Variants in UNC5C observed in about 807,000 individuals in gnomAD.
The protein encoded by UNC5C is netrin receptor UNC5C.
In UNC5C, 47 loss-of-function variants were observed where a neutral mutation model predicts 99.8. The observed-to-expected ratio is 0.47, with a 90% confidence interval of 0.37 to 0.60. The LOEUF (loss-of-function observed/expected upper bound fraction) is 0.60, where lower values mean the gene tolerates loss of function less well. Among genes scored for constraint, UNC5C ranks in the 20% least tolerant of loss-of-function variants. UNC5C has a pLI of 0.00. For synonymous variants in UNC5C, 487 were observed against 452.2 expected, an observed-to-expected ratio of 1.08 and a Z score of -0.98; for missense variants, 1,062 against 1,165.9, an observed-to-expected ratio of 0.91 and a Z score of 1.30.
rs116456283 is a variant in UNC5C at position 95,213,813 on chromosome 4, G to C, written c.1733+2311C>G. Among the ~76,000 whole-genome samples, 860 of 152,296 alleles carry C rather than the reference G, an allele frequency of 5.6e-3. 13 individuals are homozygous for C. The highest frequency in any genetic ancestry group is 0.019 in the African/African-American group (798 of 41,560). Reference sequence around the variant, plus strand: ...GAAGTTCTGTCTTGTATCATGTGTGGATAGAAAGGATCTTTAGTGAGCAAT... The same window carrying C: ...GAAGTTCTGTCTTGTATCATGTGTGCATAGAAAGGATCTTTAGTGAGCAAT... On this transcript the variant is annotated intron_variant, in intron 10 of 15. Transcript: ENST00000453304.
intron 1 of UNC5C, among the ~76,000 whole-genome samples, chr4:95,396,696 C>G (rs182364132): frequency 6.6e-6 from 1 of 152,238 alleles, no homozygotes; most frequent in Non-Finnish European, 1.5e-5. Flanking sequence ...CAAGCCCACC[C>G]GTGGACCCAT....
At chr4:95,457,390 C>T (rs538930425) in intron 1 of UNC5C, among the ~76,000 whole-genome samples, 8 of 152,030 alleles carry the variant, frequency 5.3e-5, no homozygotes, top group Non-Finnish European at 8.8e-5. Flanking sequence ...TAACCCCTTC[C>T]CTATCTTCTC....
chr4:95,369,909 T>G (rs547200265), intron 1 of UNC5C, among the ~76,000 whole-genome samples: 1 of 152,012 alleles, frequency 6.6e-6, no homozygotes, highest in African/African-American at 2.4e-5. Flanking sequence ...TTTTCAAAAC[T>G]GTTTCCAAAA....
At position 95,337,234 on chromosome 4, in the gene UNC5C, A is replaced by T. The variant is rs557946009; in HGVS notation, c.125-1603T>A. Among the ~76,000 whole-genome samples the T allele has an allele frequency of 7.3e-4, 111 of 152,044 alleles. 3 individuals carry two copies. The South Asian group carries it at 0.017, about 24-fold the overall frequency. On this transcript the variant is annotated intron_variant, in intron 1 of 15. Transcript: ENST00000453304. ...GAAGGTGGAAGGTCAACTAGACTTT[A>T]TTTTTTAACTATGTTTGTACACATA... is the stretch of plus-strand genomic sequence containing the variant.
At chr4:95,275,420 C>T (rs1318568364) in intron 4 of UNC5C, among the ~76,000 whole-genome samples, 3 of 152,134 alleles carry the variant, frequency 2.0e-5, no homozygotes, top group Non-Finnish European at 4.4e-5. Context: ...CTCATTTAAA[C>T]CTCACAACCA....
intron 1 of UNC5C, among the ~76,000 whole-genome samples, chr4:95,528,442 T>C (rs754099856): frequency 5.9e-5 from 9 of 152,114 alleles, no homozygotes; most frequent in Non-Finnish European, 1.2e-4. Flanking sequence ...AGCACTGACA[T>C]CATTTTGTAA....
intron 1 of UNC5C, among the ~76,000 whole-genome samples, chr4:95,547,770 G>T (rs1181414556): frequency 6.6e-6 from 1 of 152,186 alleles, no homozygotes; most frequent in African/African-American, 2.4e-5. Context: ...AGCTTTCCCG[G>T]CTTTGAAGGC....
chr4:95,250,005 C>G (rs907403954), intron 5 of UNC5C, among the ~76,000 whole-genome samples: 1 of 152,102 alleles, frequency 6.6e-6, no homozygotes, highest in African/African-American at 2.4e-5. Context: ...GCATATTCAT[C>G]TTTAGAACTC....
intron 4 of UNC5C, among the ~76,000 whole-genome samples, chr4:95,269,437 A>G (rs1579283923): frequency 1.3e-5 from 2 of 152,112 alleles, no homozygotes; most frequent in South Asian, 2.1e-4. Flanking sequence ...ACACACCGCC[A>G]TGCCTGGCTA....
chr4:95,229,180 C>T (rs961005357), intron 7 of UNC5C, among the ~76,000 whole-genome samples: 3 of 152,014 alleles, frequency 2.0e-5, no homozygotes, highest in Admixed American at 1.3e-4. Context: ...GCAGAATGTG[C>T]AGGTTTGTTA....
intron 10 of UNC5C, among the ~76,000 whole-genome samples, chr4:95,215,661 G>A (rs574422714): frequency 6.6e-6 from 1 of 152,070 alleles, no homozygotes; most frequent in South Asian, 2.1e-4. Flanking sequence ...CTAGAAGACA[G>A]TCACAAAAGG....
intron 14 of UNC5C, among the ~76,000 whole-genome samples, chr4:95,175,470 C>T (rs1330775147): frequency 1.3e-5 from 2 of 151,324 alleles, no homozygotes; most frequent in Non-Finnish European, 3.0e-5. Flanking sequence ...ATTTGCTTGT[C>T]TGTAAAGTAT....
rs562672266 is a variant in UNC5C at position 95,172,164 on chromosome 4, G to A, written c.2452-1832C>T. Among the ~76,000 whole-genome samples, 490 of 149,646 alleles carry A rather than the reference G, an allele frequency of 3.3e-3. 2 individuals carry two copies. Among genetic ancestry groups the A allele is most frequent in the Non-Finnish European group, 5.9e-3 (395 of 67,280 alleles). ...GCCCTTTGTCAGATGAGTAGGTTGC[G>A]AAAATTTTCTCCCATTTTGTAGGTT... On this transcript the variant is annotated intron_variant, in intron 14 of 15. Coordinates refer to ENST00000453304, the MANE Select transcript of UNC5C (RefSeq NM_003728.4).
intron 1 of UNC5C, among the ~76,000 whole-genome samples, chr4:95,348,732 A>G (rs897222190): frequency 6.6e-6 from 1 of 151,430 alleles, no homozygotes; most frequent in African/African-American, 2.4e-5. Context: ...CAGAAATCCA[A>G]TGAAAACTAC....
At chr4:95,440,769 A>G (rs1054793781) in intron 1 of UNC5C, among the ~76,000 whole-genome samples, 1 of 152,142 alleles carries the variant, frequency 6.6e-6, no homozygotes, top group African/African-American at 2.4e-5. Flanking sequence ...CTTGAAAGAA[A>G]CTCGGTGAAA....
At chr4:95,538,446 T>C (rs1304455832) in intron 1 of UNC5C, among the ~76,000 whole-genome samples, 1 of 152,220 alleles carries the variant, frequency 6.6e-6, no homozygotes, top group Non-Finnish European at 1.5e-5. Flanking sequence ...GAGTCCGCTG[T>C]TATCTTTAAG....
At chr4:95,178,893 G>T (rs1460106332) in intron 14 of UNC5C, among the ~76,000 whole-genome samples, 1 of 152,086 alleles carries the variant, frequency 6.6e-6, no homozygotes. Flanking sequence ...TCATTTCTTT[G>T]TTTCTTTCTC....
chr4:95,204,756 C>T (rs1484975707), intron 11 of UNC5C, among the ~76,000 whole-genome samples: 1 of 152,186 alleles, frequency 6.6e-6, no homozygotes, highest in African/African-American at 2.4e-5. Context: ...GGTGTGTGTC[C>T]CACAACCATT....
chr4:95,365,362 T>G (rs890615328), intron 1 of UNC5C, among the ~76,000 whole-genome samples: 1 of 147,348 alleles, frequency 6.8e-6, no homozygotes, highest in Non-Finnish European at 1.5e-5. Flanking sequence ...AAAAATTATA[T>G]AACATTTAAA....
Sources: gnomAD v4.1 joint callset for allele counts (sites outside exome capture counted in the v4.1 genomes callset) on GRCh38, gnomAD v4.1.1 for gene constraint, MANE v1.5 for transcripts, NCBI Gene and HGNC (gene_info 2026-07-23, HGNC 2026-07-21) for gene names.